Variants in TRPC4AP observed in about 807,000 individuals in gnomAD.
The protein encoded by TRPC4AP is short transient receptor potential channel 4-associated protein.
In TRPC4AP, 45 loss-of-function variants were observed where a neutral mutation model predicts 99.0. The ratio of observed to expected loss-of-function variants is 0.45; its 90% confidence interval spans 0.36 to 0.58. The LOEUF (loss-of-function observed/expected upper bound fraction) is 0.58, where lower values mean the gene tolerates loss of function less well. Ranked by LOEUF, TRPC4AP falls within the 20% of genes least tolerant of loss-of-function variation. The pLI is 0.00. For missense variants in TRPC4AP, 879 were observed against 985.3 expected (o/e 0.89, Z 1.44); for synonymous variants, 408 against 385.8 (o/e 1.06, Z -0.67).
In TRPC4AP at chr20:35,006,560, T is replaced by C. The variant is rs201234738; in HGVS notation, c.1702A>G (p.Ile568Val). The change falls in exon 15 of 19, where the codon ATT becomes GTT. Residue 568 changes from isoleucine (I) to valine (V), a missense_variant. By Grantham distance (29) the Ile-to-Val change is conservative (BLOSUM62 3). This residue lies in a region of TRPC4AP where 52 missense variants were observed against 88.7 expected (regional missense o/e 0.59). Coordinates refer to ENST00000252015, the MANE Select transcript of TRPC4AP (RefSeq NM_015638.3). ...CTTGACTTACACTCGCTGTCCACAA[T>C]GCAGTAAAGGATGTGCTGGGTGAGG... Reference protein sequence around the residue: ...RGLLEHILYCIVDSECKSRDV... With the variant: ...RGLLEHILYCVVDSECKSRDV... 289 of 1,614,028 alleles carry C rather than the reference T, an allele frequency of 1.8e-4. 2 individuals are homozygous for C. Among genetic ancestry groups the C allele is most frequent in the Admixed American group, 2.0e-4 (12 of 60,004 alleles).
chr20:35,045,624 C>T (rs916366360), intron 6 of TRPC4AP, among the ~76,000 whole-genome samples: 1 of 151,950 alleles, frequency 6.6e-6, no homozygotes, highest in Non-Finnish European at 1.5e-5. Flanking sequence ...CTGCAAACTC[C>T]ACCTCCTGGG....
At chr20:35,083,647 T>C (rs1600666022) in intron 1 of TRPC4AP, among the ~76,000 whole-genome samples, 1 of 151,446 alleles carries the variant, frequency 6.6e-6, no homozygotes, top group Non-Finnish European at 1.5e-5. Flanking sequence ...ACTTCCAATT[T>C]ATACTTCTAT....
intron 10 of TRPC4AP, among the ~76,000 whole-genome samples, chr20:35,013,488 G>A (rs764674422): frequency 6.6e-6 from 1 of 152,176 alleles, no homozygotes; most frequent in Non-Finnish European, 1.5e-5. Context: ...TGAGGCAGGA[G>A]AATCACTTGA....
rs756618035 is a variant in TRPC4AP, at chr20:35,008,759, G to A, written c.1512-12C>T. ...CACACACCAAACTCCTGAAATAGAA[G>A]AGAGATATTGGTGACAGATCTGAGA... On this transcript the variant is annotated splice_polypyrimidine_tract_variant and intron_variant, in intron 12 of 18. Coordinates refer to ENST00000252015, the MANE Select transcript of TRPC4AP (RefSeq NM_015638.3). 9 of 1,612,322 alleles carry A rather than the reference G, an allele frequency of 5.6e-6. No homozygotes were observed. Among genetic ancestry groups the A allele is most frequent in the Non-Finnish European group, 5.9e-6 (7 of 1,178,804 alleles).
intron 15 of TRPC4AP, 44 bp downstream of exon 15, chr20:35,006,391 C>G (rs746764064): frequency 6.3e-7 from 1 of 1,598,890 alleles, no homozygotes; most frequent in Admixed American, 1.7e-5. Flanking sequence ...AGGTGAACTT[C>G]TGGACAACCC....
At chr20:35,087,864 T>C (rs191110375) in intron 1 of TRPC4AP, among the ~76,000 whole-genome samples, 4 of 152,330 alleles carry the variant, frequency 2.6e-5, no homozygotes, top group South Asian at 2.1e-4. Context: ...TTACAAATTA[T>C]GTGGCCAGTA....
chr20:35,010,603 C>A (rs1049059823), intron 11 of TRPC4AP, among the ~76,000 whole-genome samples: 2 of 152,066 alleles, frequency 1.3e-5, no homozygotes, highest in African/African-American at 2.4e-5. Context: ...TCAAAGGCAC[C>A]AACACCTCAA....
At chr20:35,045,549 T>A (rs187922221) in intron 6 of TRPC4AP, among the ~76,000 whole-genome samples, 50 of 150,554 alleles carry the variant, frequency 3.3e-4, no homozygotes, top group East Asian at 9.7e-4. Context: ...TTTTTAATAT[T>A]TTTTTTTTTG....
intron 1 of TRPC4AP, among the ~76,000 whole-genome samples, chr20:35,091,332 G>T (rs2085059827): frequency 1.3e-5 from 2 of 152,136 alleles, no homozygotes; most frequent in African/African-American, 4.8e-5. Flanking sequence ...TTGTGTGATG[G>T]CCAGGAAAAC....
chr20:35,072,582 G>A (rs184000437), intron 2 of TRPC4AP, among the ~76,000 whole-genome samples: 12 of 152,154 alleles, frequency 7.9e-5, no homozygotes, highest in African/African-American at 1.9e-4. Flanking sequence ...GTCAAAGATC[G>A]GACAGTTGTA....
chr20:35,069,475 G>T, intron 2 of TRPC4AP, 63 bp from the exon 3 acceptor site: 2 of 1,057,442 alleles, frequency 1.9e-6, no homozygotes, highest in Non-Finnish European at 2.9e-6. Context: ...AGACACTAAA[G>T]CATCAGTTTG....
chr20:35,017,601 G>T (rs966191181), intron 9 of TRPC4AP, among the ~76,000 whole-genome samples: 1 of 152,132 alleles, frequency 6.6e-6, no homozygotes, highest in South Asian at 2.1e-4. Flanking sequence ...GAGAAGTTCA[G>T]CAAGACCAGC....
In TRPC4AP at chr20:35,013,013, G is replaced by A; in HGVS notation, c.1404C>T (p.His468=). Reference sequence around the variant, plus strand: ...AGGGACACTCTTGTACTTACTCGTGGTGGTCACTGAAGCTCTGAAGAAGCC... The same window carrying A: ...AGGGACACTCTTGTACTTACTCGTGATGGTCACTGAAGCTCTGAAGAAGCC... The part of the protein sequence containing the change: ...FLRLLQSFSD[H]HENKYLLLNN... Residue 468 remains histidine (H), a synonymous_variant, in exon 11 of 19, where the codon CAC becomes CAT. Coordinates refer to ENST00000252015, the MANE Select transcript of TRPC4AP (RefSeq NM_015638.3). 1 of 1,614,082 alleles carries A rather than the reference G, an allele frequency of 6.2e-7. No homozygotes were observed. The highest frequency in any genetic ancestry group is 8.5e-7 in the Non-Finnish European group (1 of 1,180,002).
chr20:35,040,108 C>T (rs1367406846), intron 7 of TRPC4AP, among the ~76,000 whole-genome samples: 1 of 149,520 alleles, frequency 6.7e-6, no homozygotes, highest in East Asian at 2.0e-4. Flanking sequence ...CAAATTCATA[C>T]GTTGAAGCTC....
At chr20:35,003,658 C>A in intron 17 of TRPC4AP, 42 bp from the exon 18 acceptor site, 1 of 1,581,258 alleles carries the variant, frequency 6.3e-7, no homozygotes, top group Non-Finnish European at 8.6e-7. Flanking sequence ...CTGGTGGGAG[C>A]CCCAGTGGCC....
intron 7 of TRPC4AP, among the ~76,000 whole-genome samples, chr20:35,041,362 A>C (rs1180187679): frequency 6.6e-6 from 1 of 152,164 alleles, no homozygotes; most frequent in Non-Finnish European, 1.5e-5. Context: ...GGGTAAGGGA[A>C]TGGAGTAGGA....
intron 1 of TRPC4AP, among the ~76,000 whole-genome samples, chr20:35,081,972 G>A (rs2084658891): frequency 6.6e-6 from 1 of 152,086 alleles, no homozygotes; most frequent in African/African-American, 2.4e-5. Flanking sequence ...GTGACAGAGT[G>A]AGACTCTGTC....
At chr20:35,029,124 G>T (rs766162089) in intron 8 of TRPC4AP, among the ~76,000 whole-genome samples, 5 of 152,020 alleles carry the variant, frequency 3.3e-5, no homozygotes, top group Admixed American at 3.3e-4. Flanking sequence ...TGGGCTCCCC[G>T]CCTGTAATCC....
intron 3 of TRPC4AP, among the ~76,000 whole-genome samples, chr20:35,060,204 G>A (rs1324968594): frequency 3.3e-5 from 5 of 151,952 alleles, no homozygotes; most frequent in Non-Finnish European, 7.4e-5. Context: ...ACCAAACAAA[G>A]ACATCACAAG....
Sources: gnomAD v4.1 joint callset for allele counts (sites outside exome capture counted in the v4.1 genomes callset) on GRCh38, gnomAD v4.1.1 for gene constraint, gnomAD v4.1.1 regional missense constraint, MANE v1.5 for transcripts, NCBI Gene and HGNC (gene_info 2026-07-23, HGNC 2026-07-21) for gene names.